The following FHIT variants were observed in gnomAD, a reference collection of about 807,000 sequenced individuals.
FHIT encodes the protein fragile histidine triad diadenosine triphosphatase.
FHIT carries 19 observed loss-of-function variants against 17.9 expected under a neutral mutation model. That is an observed-to-expected ratio of 1.06 (90% CI 0.74 to 1.56). FHIT has a LOEUF of 1.56. FHIT is among the 40% of genes most tolerant of loss of function. FHIT has a pLI of 0.00. For synonymous variants in FHIT, 81 were observed against 69.7 expected, an observed-to-expected ratio of 1.16 and a Z score of -0.81; for missense variants, 248 against 189.2, an observed-to-expected ratio of 1.31 and a Z score of -1.82.
At chr3:60,101,233 A>G (rs1031865322) in intron 5 of FHIT, among the ~76,000 whole-genome samples, 2 of 152,228 alleles carry the variant, frequency 1.3e-5, no homozygotes, top group Middle Eastern at 3.2e-3. Flanking sequence ...ATGGAGAATA[A>G]CCAAGCACAT....
At chr3:60,163,350 T>C (rs1348802386) in intron 5 of FHIT, among the ~76,000 whole-genome samples, 1 of 152,032 alleles carries the variant, frequency 6.6e-6, no homozygotes, top group African/African-American at 2.4e-5. Context: ...GTTCTTGAAC[T>C]CCCCTTACAT....
intron 2 of FHIT, among the ~76,000 whole-genome samples, chr3:61,103,836 G>A (rs2035909889): frequency 6.6e-6 from 1 of 150,392 alleles, no homozygotes; most frequent in South Asian, 2.1e-4. Context: ...TTTGATCTTT[G>A]TTGGTTTAAA....
At chr3:60,820,239 T>C (rs572127660) in intron 4 of FHIT, among the ~76,000 whole-genome samples, 5 of 151,464 alleles carry the variant, frequency 3.3e-5, no homozygotes, top group African/African-American at 1.2e-4. Context: ...ACCCAGGAGG[T>C]AGAGGTTGCG....
intron 8 of FHIT, among the ~76,000 whole-genome samples, chr3:59,901,179 T>C (rs943917231): frequency 1.3e-5 from 2 of 152,264 alleles, no homozygotes; most frequent in Non-Finnish European, 2.9e-5. Context: ...TCATGTTTAC[T>C]CTTCACTGTT....
intron 4 of FHIT, among the ~76,000 whole-genome samples, chr3:60,686,013 A>G (rs144131463): frequency 1.3e-5 from 2 of 152,276 alleles, no homozygotes; most frequent in Admixed American, 1.3e-4. Flanking sequence ...TCTGCTGGCA[A>G]TAAATATTCT....
chr3:61,042,445 A>C (rs994603082), intron 2 of FHIT, among the ~76,000 whole-genome samples: 1 of 152,210 alleles, frequency 6.6e-6, no homozygotes, highest in Non-Finnish European at 1.5e-5. Flanking sequence ...AAGAAACAAA[A>C]CTGGCCATGA....
chr3:60,859,915 G>A lies in FHIT; in HGVS notation c.-110-37904C>T, dbSNP rs1223349512. 3.3e-5 allele frequency among the ~76,000 whole-genome samples: 5 copies of A among 149,790 alleles called. No homozygotes were observed. The East Asian group carries it at 5.9e-4, about 18-fold the overall frequency. On this transcript the variant is annotated intron_variant, in intron 3 of 9. Transcript: ENST00000492590. Reference sequence around the variant, plus strand: ...AAAAATTAGCCAGGTGTGGTGGCACGTGCCTGTAATCCCAGCTACTGGGGA... The same window carrying A: ...AAAAATTAGCCAGGTGTGGTGGCACATGCCTGTAATCCCAGCTACTGGGGA...
At chr3:61,094,259 T>C (rs537386020) in intron 2 of FHIT, among the ~76,000 whole-genome samples, 9 of 152,258 alleles carry the variant, frequency 5.9e-5, no homozygotes, top group African/African-American at 1.9e-4. Context: ...GATATCATTG[T>C]AATGTGAAGG....
At chr3:60,370,569 T>C (rs1385176724) in intron 5 of FHIT, among the ~76,000 whole-genome samples, 2 of 152,196 alleles carry the variant, frequency 1.3e-5, no homozygotes, top group Non-Finnish European at 2.9e-5. Flanking sequence ...TACCTCTTCC[T>C]GAATCTGCAT....
intron 5 of FHIT, among the ~76,000 whole-genome samples, chr3:60,019,773 T>C (rs76665353): frequency 0.018 from 2,771 of 152,166 alleles, 72 homozygotes; most frequent in African/African-American, 0.063. Context: ...ATTTTAAAAA[T>C]AGGGAGAGAA....
chr3:60,876,302 T>C (rs782782761), intron 3 of FHIT, among the ~76,000 whole-genome samples: 11 of 152,190 alleles, frequency 7.2e-5, no homozygotes, highest in Non-Finnish European at 1.5e-4. Context: ...GGATTTATCA[T>C]ATTTAAGAAT....
chr3:61,173,942 G>A (rs1227495386), intron 2 of FHIT, among the ~76,000 whole-genome samples: 1 of 152,164 alleles, frequency 6.6e-6, no homozygotes, highest in Non-Finnish European at 1.5e-5. Flanking sequence ...CTTTGAATGT[G>A]AGATTACTTT....
At chr3:60,532,787 A>G (rs2035834475) in intron 5 of FHIT, among the ~76,000 whole-genome samples, 1 of 152,162 alleles carries the variant, frequency 6.6e-6, no homozygotes, top group African/African-American at 2.4e-5. Flanking sequence ...TTGGCCTCTG[A>G]TTTGACAGTT....
chr3:61,231,989 T>C (rs1438725041), intron 1 of FHIT, among the ~76,000 whole-genome samples: 1 of 152,188 alleles, frequency 6.6e-6, no homozygotes. Flanking sequence ...AGGTAGGCTC[T>C]GCCCTTCTGC....
At chr3:60,052,921 G>A (rs1173205386) in intron 5 of FHIT, among the ~76,000 whole-genome samples, 1 of 151,530 alleles carries the variant, frequency 6.6e-6, no homozygotes, top group African/African-American at 2.4e-5. Context: ...CAAATTTATG[G>A]CAGTTAAACC....
intron 1 of FHIT, among the ~76,000 whole-genome samples, chr3:61,226,935 T>C (rs2039986152): frequency 6.6e-6 from 1 of 151,972 alleles, no homozygotes; most frequent in African/African-American, 2.4e-5. Context: ...CAGTCTAGGA[T>C]AAAGGACAAA....
At position 59,918,710 on chromosome 3, in the gene FHIT, T is replaced by C. The variant is rs557426225; in HGVS notation, c.348+3636A>G. 5.3e-5 allele frequency among the ~76,000 whole-genome samples: 8 copies of C among 152,318 alleles called. 1 individual carries two copies. The South Asian group carries it at 1.7e-3, about 32-fold the overall frequency. On this transcript the variant is annotated intron_variant, in intron 8 of 9. Transcript: ENST00000492590. ...CTCCAATGCCTTCAGGAGCTATGCA[T>C]GCACCATTAGCCAGTGAAGCAAGCC...
At chr3:61,105,200 A>G (rs537527220) in intron 2 of FHIT, among the ~76,000 whole-genome samples, 48 of 151,694 alleles carry the variant, frequency 3.2e-4, no homozygotes, top group Non-Finnish European at 5.4e-4. Context: ...TTGTGGGCTT[A>G]TCTACCTTTA....
At chr3:61,097,158 TGAG>T (rs2035668329) in intron 2 of FHIT, among the ~76,000 whole-genome samples, 1 of 149,976 alleles carries the variant, frequency 6.7e-6, no homozygotes, top group Non-Finnish European at 1.5e-5. Flanking sequence ...CCTCCCAGCG[TGAG>T]CGATGCAGAA....
Sources: allele counts gnomAD v4.1 joint callset (sites outside exome capture counted in the v4.1 genomes callset), GRCh38; gene constraint gnomAD v4.1.1; transcripts MANE v1.5; gene names NCBI Gene and HGNC (gene_info 2026-07-23, HGNC 2026-07-21).